The following KRT40 variants were observed in gnomAD, a reference collection of about 807,000 sequenced individuals.
KRT40 encodes the protein keratin, type I cytoskeletal 40.
KRT40 carries 47 observed loss-of-function variants against 43.5 expected under a neutral mutation model. The observed-to-expected ratio is 1.08, with a 90% CI of 0.86 to 1.38. The LOEUF is 1.38. Among genes scored for constraint, KRT40 ranks in the 40% most tolerant of loss-of-function variants. KRT40 has a pLI of 0.00. For missense variants in KRT40, 573 were observed against 523.6 expected (o/e 1.09, Z -0.92); for synonymous variants, 212 against 214.0 (o/e 0.99, Z 0.08).
At chr17:40,978,777 G>A (rs779456243) in intron 6 of KRT40, 27 bp downstream of exon 6, 8 of 1,583,002 alleles carry the variant, frequency 5.1e-6, no homozygotes, top group Middle Eastern at 2.3e-4. Context: ...GACTCTGGGG[G>A]ATTTCATGAG....
At chr17:40,984,365 A>C, upstream of KRT40, 19 of 933,446 alleles carry the variant, frequency 2.0e-5, no homozygotes, top group Non-Finnish European at 2.7e-5. Flanking sequence ...AACCCCCCAA[A>C]ATGGGTGTTT....
intron 3 of KRT40, among the ~76,000 whole-genome samples, chr17:40,981,525 C>T (rs1315822263): frequency 2.0e-5 from 3 of 152,160 alleles, no homozygotes; most frequent in Non-Finnish European, 2.9e-5. Context: ...CATTTTCTAG[C>T]TTTATCAATA....
At position 40,981,034 on chromosome 17, in the gene KRT40, G is replaced by A. The variant is rs2143674528; in HGVS notation, c.805C>T (p.Leu269Phe). 1.2e-6 allele frequency: 2 copies of A among 1,614,246 alleles called. No individual in the cohort carries two copies. Among genetic ancestry groups the A allele is most frequent in the East Asian group, 4.5e-5 (2 of 44,892 alleles). ...TCAGCTTCTCTGCGATTGTTGGCAA[G>A]CACCGTTTCACACTGACAGCGCATC... Reference protein sequence around the residue: ...DEMRCQCETVLANNRREAEEW... With the variant: ...DEMRCQCETVFANNRREAEEW... Residue 269 changes from leucine to phenylalanine, a missense_variant, in exon 4 of 7, where the codon CTT (leucine) becomes TTT (phenylalanine). Physicochemically the swap from Leu to Phe is conservative, Grantham distance 22. Transcript: ENST00000377755.
At position 40,982,328 on chromosome 17, in the gene KRT40, GC is replaced by G; in HGVS notation, c.665del (p.Cys222SerfsTer66). On this transcript the variant is annotated frameshift_variant, in exon 3 of 7. Transcript: ENST00000377755. LOFTEE classifies it high-confidence loss of function. ...HVESLKEDLL[C>X]LKKNHEEEVN... ...TTACCTCTTCATGGTTTTTCTTAAGGCAAAGGAGATCTTCCTTCAGAGACTC... is the reference window on the plus strand; with the variant it reads ...TTACCTCTTCATGGTTTTTCTTAAGGAAAGGAGATCTTCCTTCAGAGACTC... 6.3e-7 allele frequency: 1 copy of G among 1,592,366 alleles called. No individual in the cohort carries two copies. Among genetic ancestry groups the G allele is most frequent in the Non-Finnish European group, 8.5e-7 (1 of 1,171,148 alleles).
rs1485152519 is a variant in KRT40, at chr17:40,984,111, G to T, written c.163C>A (p.Leu55Met). 1 of 1,614,042 alleles carries T rather than the reference G, an allele frequency of 6.2e-7. No homozygotes were observed. Among genetic ancestry groups the T allele is most frequent in the Non-Finnish European group, 8.5e-7 (1 of 1,180,030 alleles). ...TPSFLSRSRG[L>M]TGCLLPCYFT... ...TAGCATGGCAGGAGGCAACCAGTCA[G>T]CCCGCGAGACCTGGATAGGAAGCTT... The change falls in exon 1 of 7, where the codon CTG becomes ATG. Residue 55 changes from leucine (L) to methionine (M), a missense_variant. By Grantham distance (15) the Leu-to-Met change is conservative. Coordinates refer to ENST00000377755, the MANE Select transcript of KRT40 (RefSeq NM_001389244.1).
At chr17:40,986,959 C>T (rs918337508), upstream of KRT40, 4 of 152,188 alleles carry the variant, frequency 2.6e-5, no homozygotes, top group African/African-American at 4.8e-5. Context: ...GTCTCACAAA[C>T]CCTAAGCTCC....
rs765947276 is a variant in KRT40 at position 40,983,100 on chromosome 17, C to G, written c.476G>C (p.Arg159Thr). Reference protein sequence around the residue: ...KILCTKAENSRLAVQLDNCKL... With the variant: ...KILCTKAENSTLAVQLDNCKL... The stretch of plus-strand genomic sequence containing the variant: ...GCAGTTGTCAAGCTGTACAGCAAGT[C>G]TAGAATTCTCTGCTTTCGTGCATAA... The change falls in exon 2 of 7, where the codon AGA becomes ACA. Residue 159 changes from arginine (R) to threonine (T), a missense_variant. Arg to Thr is a moderately conservative substitution (Grantham distance 71). Transcript: ENST00000377755. 4.0e-6 allele frequency: 6 copies of G among 1,509,896 alleles called. No homozygotes were observed. The highest frequency in any genetic ancestry group is 1.7e-5 in the Admixed American group (1 of 58,872). The allele number at this position is 1,509,896 out of a possible 1,614,324, so 93.5% of individuals were successfully genotyped here.
rs1211237413 is a variant in KRT40, at chr17:40,981,361, A to T, written c.688-210T>A. The T allele has an allele frequency of 3.2e-6, 3 of 925,528 alleles. No individual in the cohort carries two copies. The East Asian group carries it at 7.9e-5, about 24-fold the overall frequency. The allele number at this position is 925,528 out of a possible 1,614,324, so 57.3% of individuals were successfully genotyped here. A position where few individuals can be genotyped will look rare whatever the true frequency, so the allele number is the denominator to read the frequency against. On this transcript the variant is annotated intron_variant, in intron 3 of 6. Coordinates refer to ENST00000377755, the MANE Select transcript of KRT40 (RefSeq NM_001389244.1). ...ACATAATAATTGGACATTTTTCCAG[A>T]AAGTTATTGTGAGATCTAGAAGAGT...
Position 40,980,851 on chromosome 17 carries a change from C to G in KRT40, c.909G>C (p.Met303Ile). The change falls in exon 5 of 7, where the codon ATG (methionine) becomes ATC (isoleucine). Residue 303 changes from methionine to isoleucine, a missense_variant. Met to Ile is a conservative substitution (Grantham distance 10). Coordinates refer to ENST00000377755, the MANE Select transcript of KRT40 (RefSeq NM_001389244.1). ...SSAEQLQGCQ[M>I]EILELKRTAS... ...CTGTGCGTTTCAGTTCCAAGATCTCCATCTGGCAGCCCTGCAGCTGCTCCG... is the reference window on the plus strand; with the variant it reads ...CTGTGCGTTTCAGTTCCAAGATCTCGATCTGGCAGCCCTGCAGCTGCTCCG... The G allele has an allele frequency of 6.2e-7, 1 of 1,613,448 alleles. No homozygotes were observed. The highest frequency in any genetic ancestry group is 8.5e-7 in the Non-Finnish European group (1 of 1,179,966).
At chr17:40,982,167 A>C in intron 3 of KRT40, 140 bp downstream of exon 3, 1 of 711,520 alleles carries the variant, frequency 1.4e-6, no homozygotes, top group Non-Finnish European at 2.1e-6. Flanking sequence ...GTGAGCCACC[A>C]TGCCTGGCCC....
At chr17:40,978,352 A>G (rs1911908540) in intron 6 of KRT40, 56 bp from the exon 7 acceptor site, 1 of 1,361,628 alleles carries the variant, frequency 7.3e-7, no homozygotes, top group Non-Finnish European at 1.1e-6. Flanking sequence ...ATAAAATGGC[A>G]ACTCAGAAAA....
intron 1 of KRT40, 34 bp downstream of exon 1, chr17:40,983,793 G>A (rs1396056309): frequency 6.3e-7 from 1 of 1,592,372 alleles, no homozygotes; most frequent in Admixed American, 1.7e-5. Context: ...CCATAGATCA[G>A]GAAGGTGGAG....
At position 40,981,027 on chromosome 17, in the gene KRT40, T is replaced by A; in HGVS notation, c.812A>T (p.Asn271Ile). The change falls in exon 4 of 7, where the codon AAC (asparagine) becomes ATC (isoleucine). Residue 271 changes from asparagine (N) to isoleucine (I), a missense_variant. Physicochemically the swap from Asn to Ile is moderately radical, Grantham distance 149. Transcript: ENST00000377755. ...MRCQCETVLA[N>I]NRREAEEWLA... is the part of the protein sequence containing the mutation. ...CCATTCTTCAGCTTCTCTGCGATTG[T>A]TGGCAAGCACCGTTTCACACTGACA... The A allele has an allele frequency of 1.2e-6, 2 of 1,614,254 alleles. No individual in the cohort carries two copies. Among genetic ancestry groups the A allele is most frequent in the Non-Finnish European group, 1.7e-6 (2 of 1,180,044 alleles).
chr17:40,978,161 G>T lies in KRT40; in HGVS notation c.*36C>A, dbSNP rs778765320. ...AGCCCCATCTCCTTTCTAGGATGCT[G>T]CTGGCTTTGATTCCTCTACCTGCTG... On this transcript the variant is annotated 3_prime_UTR_variant, in exon 7 of 7. Transcript: ENST00000377755. 2.0e-6 allele frequency: 3 copies of T among 1,497,600 alleles called. No individual in the cohort carries two copies. The highest frequency in any genetic ancestry group is 2.8e-6 in the Non-Finnish European group (3 of 1,075,926). The allele number at this position is 1,497,600 out of a possible 1,614,324, so 92.8% of individuals were successfully genotyped here.
upstream of KRT40, among the ~76,000 whole-genome samples, chr17:40,985,401 C>T (rs573978637): frequency 2.0e-5 from 3 of 152,192 alleles, no homozygotes; most frequent in East Asian, 3.9e-4. Flanking sequence ...TAATCTATTT[C>T]ACTTTGCTTG....
chr17:40,985,421 G>A (rs2111051), upstream of KRT40, among the ~76,000 whole-genome samples: 33,044 of 151,806 alleles, frequency 0.22, 4,479 homozygotes, highest in African/African-American at 0.39. Context: ...GGTTTTAGTC[G>A]TTACATTTAT....
upstream of KRT40, among the ~76,000 whole-genome samples, chr17:40,984,860 A>AGTTGTGTGTGTGTGTGTGTGTGTGTGTGT (rs551051327): frequency 6.6e-6 from 1 of 151,448 alleles, no homozygotes; most frequent in Non-Finnish European, 1.5e-5. Context: ...TTGGGTTTAA[A>AGTTGTGTGTGTGTGTGTGTGTGTGTGTGT]GTGTGTGTGT....
chr17:40,978,162 C>G lies in KRT40; in HGVS notation c.*35G>C. 2 of 1,509,434 alleles carry G rather than the reference C, an allele frequency of 1.3e-6. No homozygotes were observed. The highest frequency in any genetic ancestry group is 1.8e-6 in the Non-Finnish European group (2 of 1,086,478). The allele number at this position is 1,509,434 out of a possible 1,614,324, so 93.5% of individuals were successfully genotyped here. A position where few individuals can be genotyped will look rare whatever the true frequency, so the allele number is the denominator to read the frequency against. ...GCCCCATCTCCTTTCTAGGATGCTG[C>G]TGGCTTTGATTCCTCTACCTGCTGT... On this transcript the variant is annotated 3_prime_UTR_variant, in exon 7 of 7. Transcript: ENST00000377755.
At chr17:40,980,667 G>A in intron 5 of KRT40, 118 bp downstream of exon 5, 1 of 1,320,542 alleles carries the variant, frequency 7.6e-7, no homozygotes, top group South Asian at 1.5e-5. Flanking sequence ...TAATAGCTGG[G>A]TAAACGGCAG....
Sources: gnomAD v4.1 joint callset for allele counts (sites outside exome capture counted in the v4.1 genomes callset) on GRCh38, gnomAD v4.1.1 for gene constraint, MANE v1.5 for transcripts, NCBI Gene and HGNC (gene_info 2026-07-23, HGNC 2026-07-21) for gene names.